LRRTM4: variants seen among roughly 807,000 people sequenced by gnomAD.
LRRTM4 encodes the protein leucine-rich repeat transmembrane neuronal protein 4.
LRRTM4 carries 25 observed loss-of-function variants against 47.6 expected under a neutral mutation model. The observed-to-expected ratio is 0.53, with a 90% CI of 0.38 to 0.73. The LOEUF is 0.73. Among genes scored for constraint, LRRTM4 ranks in the 30% least tolerant of loss-of-function variants. The pLI is 0.00. For missense variants in LRRTM4, 638 were observed against 713.4 expected, an observed-to-expected ratio of 0.89 and a Z score of 1.20; for synonymous variants, 311 against 269.5, an observed-to-expected ratio of 1.15 and a Z score of -1.51.
At chr2:77,036,174 G>C (rs1678829660) in intron 3 of LRRTM4, among the ~76,000 whole-genome samples, 1 of 151,776 alleles carries the variant, frequency 6.6e-6, no homozygotes, top group Admixed American at 6.6e-5. Flanking sequence ...CATTATGGTG[G>C]AATGAGGGAC....
chr2:77,298,298 A>G lies in LRRTM4; in HGVS notation c.1551+220020T>C, dbSNP rs1466465238. On this transcript the variant is annotated intron_variant, in intron 3 of 3. Coordinates refer to ENST00000409884, the MANE Select transcript of LRRTM4 (RefSeq NM_001134745.3). ...GTCGCCCAGGCTGGAGTGCAGTGGC[A>G]CGATCTCGGCTCACTGCAAGCTCCG... Among the ~76,000 whole-genome samples the G allele has an allele frequency of 5.9e-5, 9 of 152,268 alleles. No individual in the cohort carries two copies. The East Asian group carries it at 1.2e-3, about 20-fold the overall frequency.
chr2:77,468,824 A>G (rs1677081319), intron 3 of LRRTM4, among the ~76,000 whole-genome samples: 1 of 152,186 alleles, frequency 6.6e-6, no homozygotes. Flanking sequence ...TAAGTTCCAC[A>G]TGGATCCTTT....
chr2:76,961,902 C>T (rs1030131112), intron 3 of LRRTM4, among the ~76,000 whole-genome samples: 2 of 151,304 alleles, frequency 1.3e-5, no homozygotes, highest in African/African-American at 4.8e-5. Context: ...ACATTGATAG[C>T]TCTCACTTGA....
chr2:76,941,763 C>T (rs1456435048), intron 3 of LRRTM4, among the ~76,000 whole-genome samples: 1 of 152,072 alleles, frequency 6.6e-6, no homozygotes, highest in Non-Finnish European at 1.5e-5. Flanking sequence ...AATAATGCTG[C>T]AATAAACACA....
intron 3 of LRRTM4, among the ~76,000 whole-genome samples, chr2:77,083,967 G>A (rs1365278070): frequency 6.6e-6 from 1 of 151,358 alleles, no homozygotes; most frequent in African/African-American, 2.4e-5. Flanking sequence ...ACTGCGCCTG[G>A]CTAATTTTTT....
At chr2:77,472,071 T>C (rs72811250) in intron 3 of LRRTM4, among the ~76,000 whole-genome samples, 35,796 of 152,044 alleles carry the variant, frequency 0.24, 4,692 homozygotes, top group Non-Finnish European at 0.3. Context: ...TCAGCTCTCA[T>C]ATTTAAACCA....
rs765918463 is a variant in LRRTM4, at chr2:77,519,160, G to T, written c.709C>A (p.Gln237Lys). Residue 237 changes from glutamine to lysine, a missense_variant, in exon 3 of 4, where the codon CAA (glutamine) becomes AAA (lysine). Gln to Lys is a moderately conservative substitution (Grantham distance 53). Coordinates refer to ENST00000409884, the MANE Select transcript of LRRTM4 (RefSeq NM_001134745.3). This position sits in a 1 kb window ranked among gnomAD's most constrained non-coding sequence, Gnocchi z 4.6. ...RLFNLRSIYL[Q>K]WNRIRSISQG... The stretch of plus-strand genomic sequence containing the variant: ...CTAATGGAGCGAATCCTGTTCCATT[G>T]TAAGTAAATTGAGCGGAGGTTGAAG... The T allele has an allele frequency of 3.1e-6, 5 of 1,613,200 alleles. No homozygotes were observed. The highest frequency in any genetic ancestry group is 3.4e-6 in the Non-Finnish European group (4 of 1,179,552).
intron 3 of LRRTM4, among the ~76,000 whole-genome samples, chr2:77,450,562 C>T: frequency 6.6e-6 from 1 of 152,126 alleles, no homozygotes; most frequent in Middle Eastern, 3.4e-3. Context: ...TTATTCTACA[C>T]CTAAGAATTT....
intron 3 of LRRTM4, among the ~76,000 whole-genome samples, chr2:76,770,082 T>C (rs150163577): frequency 1.5e-3 from 230 of 152,288 alleles, no homozygotes; most frequent in African/African-American, 5.4e-3. Flanking sequence ...TCACCAGATG[T>C]AGTCAATCAG....
chr2:76,842,207 A>G (rs1030970398), intron 3 of LRRTM4, among the ~76,000 whole-genome samples: 4 of 152,138 alleles, frequency 2.6e-5, no homozygotes, highest in Admixed American at 6.6e-5. Flanking sequence ...TGGTTTATCA[A>G]TCTTCTGCAG....
At chr2:77,485,597 T>G (rs1677878783) in intron 3 of LRRTM4, among the ~76,000 whole-genome samples, 1 of 152,034 alleles carries the variant, frequency 6.6e-6, no homozygotes, top group African/African-American at 2.4e-5. Flanking sequence ...GCTAGGAAAA[T>G]AAAAGGAACC....
chr2:77,488,595 T>G lies in LRRTM4; in HGVS notation c.1551+29723A>C, dbSNP rs1357735499. On this transcript the variant is annotated intron_variant, in intron 3 of 3. Transcript: ENST00000409884. ...GACAGAAAGAGCAATGTGTTGAGAC[T>G]TTAATGAAATTTTAAAGTGACATAT... Among the ~76,000 whole-genome samples the G allele has an allele frequency of 3.5e-4, 54 of 152,226 alleles. 1 individual carries two copies. Among genetic ancestry groups the G allele is most frequent in the Non-Finnish European group, 2.9e-5 (2 of 68,038 alleles).
chr2:76,839,350 G>T (rs962680711), intron 3 of LRRTM4, among the ~76,000 whole-genome samples: 1 of 152,032 alleles, frequency 6.6e-6, no homozygotes, highest in Non-Finnish European at 1.5e-5. Context: ...ACAGTAGAAA[G>T]GAGAAAATGA....
chr2:77,479,102 G>A (rs1558762591), intron 3 of LRRTM4, among the ~76,000 whole-genome samples: 1 of 151,988 alleles, frequency 6.6e-6, no homozygotes, highest in South Asian at 2.1e-4. Context: ...CACCATCTTG[G>A]TCAGGCTGGT....
intron 3 of LRRTM4, among the ~76,000 whole-genome samples, chr2:76,965,905 T>A: frequency 6.6e-6 from 1 of 151,420 alleles, no homozygotes; most frequent in East Asian, 1.9e-4. Flanking sequence ...AGTATCTAAA[T>A]TTGCCTTTGT....
chr2:76,942,914 G>A (rs976618067), intron 3 of LRRTM4, among the ~76,000 whole-genome samples: 1 of 151,998 alleles, frequency 6.6e-6, no homozygotes, highest in African/African-American at 2.4e-5. Flanking sequence ...AATTAAGGCT[G>A]GCATGTTGTG....
intron 3 of LRRTM4, among the ~76,000 whole-genome samples, chr2:77,463,517 A>G (rs927712681): frequency 1.3e-5 from 2 of 152,092 alleles, no homozygotes; most frequent in Non-Finnish European, 2.9e-5. Flanking sequence ...AACTCTATGG[A>G]ACATATTTAG....
intron 3 of LRRTM4, among the ~76,000 whole-genome samples, chr2:77,407,538 T>A (rs538647872): frequency 6.8e-6 from 1 of 147,700 alleles, no homozygotes; most frequent in East Asian, 2.0e-4. Flanking sequence ...AGGTCAATGG[T>A]AAATCTTGAC....
chr2:76,941,113 A>C (rs1211372762), intron 3 of LRRTM4, among the ~76,000 whole-genome samples: 1 of 152,240 alleles, frequency 6.6e-6, no homozygotes, highest in Non-Finnish European at 1.5e-5. Context: ...ACAATAAAGA[A>C]GAAGGTAAAG....
Sources: gnomAD v4.1 joint callset for allele counts (sites outside exome capture counted in the v4.1 genomes callset) on GRCh38, gnomAD v4.1.1 for gene constraint, Gnocchi (gnomAD v3.1) non-coding constraint, MANE v1.5 for transcripts, NCBI Gene and HGNC (gene_info 2026-07-23, HGNC 2026-07-21) for gene names.